Variants in NKAIN2 observed in about 807,000 individuals in gnomAD.
The protein encoded by NKAIN2 is sodium/potassium-transporting ATPase subunit beta-1-interacting protein 2.
Under a neutral mutation model 32.6 loss-of-function variants are expected in NKAIN2, and 14 were observed. The ratio of observed to expected loss-of-function variants is 0.43; its 90% CI spans 0.28 to 0.67. The LOEUF (loss-of-function observed/expected upper bound fraction) is 0.67. Ranked by LOEUF, NKAIN2 falls within the 30% of genes least tolerant of loss-of-function variation. The probability of loss-of-function intolerance (pLI) is 0.17; values close to 1 mark genes in which losing one functional copy is unlikely to be tolerated. For synonymous variants in NKAIN2, 80 were observed against 87.2 expected (o/e 0.92, Z 0.46); for missense variants, 198 against 258.3 (o/e 0.77, Z 1.60).
chr6:124,359,288 G>T lies in NKAIN2; in HGVS notation c.273+3941G>T, dbSNP rs546080267. Among the ~76,000 whole-genome samples the T allele has an allele frequency of 1.7e-3, 262 of 152,252 alleles. 2 individuals carry two copies. Among genetic ancestry groups the T allele is most frequent in the African/African-American group, 6.2e-3 (259 of 41,552 alleles). On this transcript the variant is annotated intron_variant, in intron 3 of 6. Transcript: ENST00000368417. ...TTTGTTCCATATGAACTTTAAAGTAGCTTTTTCCAATTCTGTGAAGAAAGT... is the reference window on the plus strand; with the variant it reads ...TTTGTTCCATATGAACTTTAAAGTATCTTTTTCCAATTCTGTGAAGAAAGT...
chr6:124,305,495 T>C (rs1311401336), intron 2 of NKAIN2, among the ~76,000 whole-genome samples: 2 of 152,168 alleles, frequency 1.3e-5, no homozygotes, highest in East Asian at 3.9e-4. Flanking sequence ...CTCTAATTAA[T>C]ACAAGGATGC....
At chr6:124,055,653 T>C (rs1782608491) in intron 1 of NKAIN2, among the ~76,000 whole-genome samples, 1 of 151,936 alleles carries the variant, frequency 6.6e-6, no homozygotes, top group South Asian at 2.1e-4. Flanking sequence ...AACTCTAGAA[T>C]AACACAGAAC....
intron 1 of NKAIN2, among the ~76,000 whole-genome samples, chr6:123,929,259 A>G (rs1776145470): frequency 6.6e-6 from 1 of 152,164 alleles, no homozygotes; most frequent in Non-Finnish European, 1.5e-5. Flanking sequence ...ATGCTCAGTG[A>G]AAAAGGATCT....
chr6:123,878,460 C>T (rs898984536), intron 1 of NKAIN2, among the ~76,000 whole-genome samples: 9 of 151,854 alleles, frequency 5.9e-5, no homozygotes, highest in East Asian at 5.8e-4. Flanking sequence ...TAATTTTGTC[C>T]GGACTTCTAT....
At chr6:124,400,624 C>T (rs895151978) in intron 3 of NKAIN2, among the ~76,000 whole-genome samples, 3 of 152,090 alleles carry the variant, frequency 2.0e-5, no homozygotes, top group African/African-American at 7.2e-5. Flanking sequence ...ATCAATATTC[C>T]TATTTCTTTC....
chr6:124,608,124 C>A (rs1014785789), intron 3 of NKAIN2, among the ~76,000 whole-genome samples: 1 of 152,074 alleles, frequency 6.6e-6, no homozygotes, highest in South Asian at 2.1e-4. Context: ...GCTCACAAAC[C>A]GAAGCCAAAA....
chr6:124,126,788 C>G (rs932799468), intron 1 of NKAIN2, among the ~76,000 whole-genome samples: 1 of 152,130 alleles, frequency 6.6e-6, no homozygotes, highest in Non-Finnish European at 1.5e-5. Flanking sequence ...AACCCTGTCT[C>G]TACAAAAAAT....
chr6:124,724,788 A>G (rs1455815826), intron 4 of NKAIN2, among the ~76,000 whole-genome samples: 1 of 152,200 alleles, frequency 6.6e-6, no homozygotes, highest in Non-Finnish European at 1.5e-5. Flanking sequence ...GCATAAATGA[A>G]TTAAGCCCAG....
At chr6:124,361,635 A>G (rs1465124111) in intron 3 of NKAIN2, among the ~76,000 whole-genome samples, 1 of 152,102 alleles carries the variant, frequency 6.6e-6, no homozygotes, top group Non-Finnish European at 1.5e-5. Context: ...AATAATTTTG[A>G]TAGTTGCTTC....
At position 123,965,562 on chromosome 6, in the gene NKAIN2, T is replaced by A. The variant is rs74731165; in HGVS notation, c.54+161308T>A. Among the ~76,000 whole-genome samples the A allele has an allele frequency of 2.9e-4, 44 of 152,284 alleles. 2 individuals carry two copies. The East Asian group carries it at 8.3e-3, about 29-fold the overall frequency. On this transcript the variant is annotated intron_variant, in intron 1 of 6. Transcript: ENST00000368417. ...TTCATTCCTTTAAACCCACATATGC[T>A]TGATTCTCCTACTCATATCCTGCGA...
chr6:124,345,281 G>A (rs1248977319), intron 2 of NKAIN2, among the ~76,000 whole-genome samples: 1 of 152,022 alleles, frequency 6.6e-6, no homozygotes, highest in Admixed American at 6.6e-5. Context: ...CAAGGATATT[G>A]GTCTAAAATT....
intron 3 of NKAIN2, among the ~76,000 whole-genome samples, chr6:124,413,787 T>C (rs1774332961): frequency 6.6e-6 from 1 of 152,178 alleles, no homozygotes; most frequent in Admixed American, 6.5e-5. Context: ...ATATTTCATA[T>C]TTTTGATCAT....
rs114892626 is a variant in NKAIN2, at chr6:124,055,917, T to C, written c.55-227088T>C. Among the ~76,000 whole-genome samples the C allele has an allele frequency of 6.6e-3, 1,002 of 152,170 alleles. 13 individuals carry two copies. Among genetic ancestry groups the C allele is most frequent in the African/African-American group, 0.023 (963 of 41,534 alleles). Reference sequence around the variant, plus strand: ...ATGTGGTGAGATTTAACTAAAATGGTTGAATTTGTCTTTCATTTGGTATTA... The same window carrying C: ...ATGTGGTGAGATTTAACTAAAATGGCTGAATTTGTCTTTCATTTGGTATTA... On this transcript the variant is annotated intron_variant, in intron 1 of 6. Transcript: ENST00000368417.
chr6:124,810,807 T>C (rs368730527), intron 5 of NKAIN2, among the ~76,000 whole-genome samples: 2 of 152,092 alleles, frequency 1.3e-5, no homozygotes, highest in Admixed American at 6.5e-5. Flanking sequence ...TTTCATTCCA[T>C]GTATGCTTCG....
Position 123,818,680 on chromosome 6 carries a change from A to G in NKAIN2, c.54+14426A>G, listed in dbSNP as rs1357223952. On this transcript the variant is annotated intron_variant, in intron 1 of 6. Coordinates refer to ENST00000368417, the MANE Select transcript of NKAIN2 (RefSeq NM_001040214.3). ...GCCTGGAGAAAGGGGAGTAAATTACAAGACTTCTTGAAGGTCCTTTTAACT... is the reference window on the plus strand; with the variant it reads ...GCCTGGAGAAAGGGGAGTAAATTACGAGACTTCTTGAAGGTCCTTTTAACT... Among the ~76,000 whole-genome samples, 3 of 152,304 alleles carry G rather than the reference A, an allele frequency of 2.0e-5. No individual in the cohort carries two copies. The East Asian group carries it at 5.8e-4, about 29-fold the overall frequency.
intron 5 of NKAIN2, among the ~76,000 whole-genome samples, chr6:124,810,078 T>G (rs1033333406): frequency 6.6e-6 from 1 of 152,128 alleles, no homozygotes; most frequent in Non-Finnish European, 1.5e-5. Context: ...AGTGTGGCGA[T>G]TCCTCAGGGA....
intron 3 of NKAIN2, among the ~76,000 whole-genome samples, chr6:124,481,231 TA>T (rs1392285078): frequency 2.6e-5 from 4 of 151,538 alleles, no homozygotes; most frequent in African/African-American, 9.7e-5. Context: ...TTAAGAATTA[TA>T]ATAAGTAGGC....
At chr6:124,463,766 T>C (rs1776629743) in intron 3 of NKAIN2, among the ~76,000 whole-genome samples, 1 of 152,172 alleles carries the variant, frequency 6.6e-6, no homozygotes, top group Non-Finnish European at 1.5e-5. Flanking sequence ...AAATGTATTA[T>C]TTAAAGATTG....
At chr6:124,522,893 C>A (rs1378910461) in intron 3 of NKAIN2, among the ~76,000 whole-genome samples, 2 of 151,792 alleles carry the variant, frequency 1.3e-5, no homozygotes, top group Non-Finnish European at 2.9e-5. Flanking sequence ...CCTGTAATCC[C>A]AGCACTTTGG....
Sources: gnomAD v4.1 joint callset for allele counts (sites outside exome capture counted in the v4.1 genomes callset) on GRCh38, gnomAD v4.1.1 for gene constraint, MANE v1.5 for transcripts, NCBI Gene and HGNC (gene_info 2026-07-23, HGNC 2026-07-21) for gene names.